The following ARK2C variants were observed in gnomAD, a reference collection of about 807,000 sequenced individuals.
The protein encoded by ARK2C is arkadia (RNF111) C-terminal like ring finger ubiquitin ligase 2C, also known as E3 ubiquitin-protein ligase ARK2C.
At chr18:46,398,788 C>T in the ARK2C span, among the ~76,000 whole-genome samples, 3 of 152,042 alleles carry the variant, frequency 2.0e-5, no homozygotes, top group Admixed American at 6.5e-5. Flanking sequence ...CCTCATGGCT[C>T]AGTGCTCCTG....
the ARK2C span, chr18:46,433,653 C>T: frequency 1.4e-6 from 1 of 707,294 alleles, no homozygotes; most frequent in Non-Finnish European, 2.3e-6. Context: ...CCTGGCTTCT[C>T]TCCCTGGCCT....
chr18:46,373,931 T>G, the ARK2C span, among the ~76,000 whole-genome samples: 1 of 151,938 alleles, frequency 6.6e-6, no homozygotes, highest in Non-Finnish European at 1.5e-5. Context: ...CAGAAGCAGA[T>G]GGACAGTTGC....
the ARK2C span, among the ~76,000 whole-genome samples, chr18:46,421,329 G>T: frequency 2.0e-5 from 3 of 152,162 alleles, no homozygotes; most frequent in African/African-American, 4.8e-5. Flanking sequence ...AAGGTTTTTG[G>T]CAAGATGATG....
At chr18:46,340,272 C>T in the ARK2C span, among the ~76,000 whole-genome samples, 3 of 152,232 alleles carry the variant, frequency 2.0e-5, no homozygotes, top group African/African-American at 4.8e-5. Flanking sequence ...TATCTTGGAA[C>T]GACTCAGATT....
At chr18:46,373,716 T>C in the ARK2C span, among the ~76,000 whole-genome samples, 2 of 152,204 alleles carry the variant, frequency 1.3e-5, no homozygotes, top group African/African-American at 4.8e-5. Flanking sequence ...AGGACAGGGC[T>C]GTCTCCAGGA....
the ARK2C span, among the ~76,000 whole-genome samples, chr18:46,354,513 G>A: frequency 2.6e-5 from 4 of 152,186 alleles, no homozygotes; most frequent in African/African-American, 7.2e-5. Context: ...TCCCTTAGAG[G>A]CCGAACTTGA....
chr18:46,462,927 C>CTGCTG, the ARK2C span: 1 of 152,382 alleles, frequency 6.6e-6, no homozygotes, highest in African/African-American at 2.4e-5. Context: ...TGTAATCCTC[C>CTGCTG]TGCTGTTCTG....
chr18:46,340,763 C>T, the ARK2C span, among the ~76,000 whole-genome samples: 10 of 152,210 alleles, frequency 6.6e-5, no homozygotes, highest in South Asian at 2.1e-4. Context: ...ATACCTGGCA[C>T]GCGGCAGGTG....
the ARK2C span, among the ~76,000 whole-genome samples, chr18:46,355,249 G>A: frequency 7.9e-5 from 12 of 152,010 alleles, no homozygotes; most frequent in South Asian, 1.5e-3. Flanking sequence ...CACCGGGCCC[G>A]GCCTGTTTTA....
At chr18:46,341,206 G>GA in the ARK2C span, among the ~76,000 whole-genome samples, 114,024 of 151,620 alleles carry the variant, frequency 0.75, 43,017 homozygotes, top group East Asian at 0.91. Context: ...AAGGCCTCTG[G>GA]AGAGTTTGGA....
At chr18:46,433,236 C>T in the ARK2C span, 1 of 1,605,974 alleles carries the variant, frequency 6.2e-7, no homozygotes, top group Non-Finnish European at 8.5e-7. Context: ...CCTCCTGCCG[C>T]CACTTCCACC....
At chr18:46,345,692 A>G in the ARK2C span, among the ~76,000 whole-genome samples, 2 of 152,240 alleles carry the variant, frequency 1.3e-5, no homozygotes, top group African/African-American at 4.8e-5. Context: ...CATGAAGTTT[A>G]TATTAAACTA....
chr18:46,457,739 A>G, the ARK2C span: 1 of 152,698 alleles, frequency 6.5e-6, no homozygotes, highest in Non-Finnish European at 1.5e-5. Context: ...AATTAACCAG[A>G]TGATGCAGAT....
chr18:46,347,982 C>G, the ARK2C span, among the ~76,000 whole-genome samples: 1 of 152,218 alleles, frequency 6.6e-6, no homozygotes, highest in South Asian at 2.1e-4. Flanking sequence ...GTAGCAGATG[C>G]TCACGTAGCA....
chr18:46,378,541 G>T, the ARK2C span, among the ~76,000 whole-genome samples: 1 of 152,210 alleles, frequency 6.6e-6, no homozygotes, highest in African/African-American at 2.4e-5. Flanking sequence ...GCCCAGAGGT[G>T]TCAGATGATC....
chr18:46,402,596 G>A, the ARK2C span, among the ~76,000 whole-genome samples: 42 of 152,214 alleles, frequency 2.8e-4, no homozygotes, highest in African/African-American at 9.4e-4. Flanking sequence ...GACCTCCCAG[G>A]CTTAAGTGAT....
chr18:46,394,240 T>C, the ARK2C span, among the ~76,000 whole-genome samples: 3 of 152,226 alleles, frequency 2.0e-5, no homozygotes, highest in Non-Finnish European at 4.4e-5. Context: ...GATTTCACCA[T>C]GGCAGAGGAA....
chr18:46,379,923 C>T, the ARK2C span, among the ~76,000 whole-genome samples: 2 of 152,236 alleles, frequency 1.3e-5, no homozygotes, highest in African/African-American at 4.8e-5. Flanking sequence ...TGGGACGTTG[C>T]TGCCAGTGGC....
the ARK2C span, chr18:46,336,671 G>A: frequency 1.0e-6 from 1 of 985,386 alleles, no homozygotes. Flanking sequence ...CAGAATAGAT[G>A]TAGAGAAATA....
Sources: gnomAD v4.1 joint callset for allele counts (sites outside exome capture counted in the v4.1 genomes callset) on GRCh38, gnomAD v4.1.1 for gene constraint, MANE v1.5 for transcripts, NCBI Gene and HGNC (gene_info 2026-07-23, HGNC 2026-07-21) for gene names.